Variants in RIMS2 observed in about 807,000 individuals in gnomAD.
RIMS2 encodes regulating synaptic membrane exocytosis 2, also known as regulating synaptic membrane exocytosis protein 2.
RIMS2 carries 59 observed loss-of-function variants against 174.4 expected under a neutral mutation model. That is an observed-to-expected ratio of 0.34 (90% CI 0.27 to 0.42). The LOEUF (loss-of-function observed/expected upper bound fraction) is 0.42. RIMS2 is among the 10% of genes least tolerant of loss of function. RIMS2 has a pLI of 1.00. For synonymous variants in RIMS2, 606 were observed against 572.5 expected (o/e 1.06, Z -0.84); for missense variants, 1,620 against 1,666.3 (o/e 0.97, Z 0.48).
chr8:103,824,911 A>T (rs2098778342), intron 3 of RIMS2, among the ~76,000 whole-genome samples: 1 of 152,198 alleles, frequency 6.6e-6, no homozygotes, highest in South Asian at 2.1e-4. Flanking sequence ...GCATTTAAGT[A>T]AGGATTTATT....
chr8:104,028,038 C>T (rs998881619), intron 19 of RIMS2, among the ~76,000 whole-genome samples: 1 of 151,898 alleles, frequency 6.6e-6, no homozygotes, highest in African/African-American at 2.4e-5. Context: ...TCAACTGATT[C>T]TCACACCTCA....
intron 1 of RIMS2, among the ~76,000 whole-genome samples, chr8:103,594,891 A>T (rs7813485): frequency 6.6e-6 from 1 of 151,640 alleles, no homozygotes; most frequent in African/African-American, 2.4e-5. Flanking sequence ...GAGAAAGTCC[A>T]TGAAACCTGG....
chr8:103,602,973 A>T (rs1172655218), intron 1 of RIMS2, among the ~76,000 whole-genome samples: 9 of 151,876 alleles, frequency 5.9e-5, no homozygotes, highest in African/African-American at 9.7e-5. Flanking sequence ...AGCATCTGTT[A>T]TTTTTTGACT....
At chr8:103,523,652 G>A (rs774129060) in intron 1 of RIMS2, among the ~76,000 whole-genome samples, 26 of 151,992 alleles carry the variant, frequency 1.7e-4, no homozygotes, top group Non-Finnish European at 3.4e-4. Context: ...ATAGAGTGAG[G>A]GCAAATGAGG....
intron 2 of RIMS2, among the ~76,000 whole-genome samples, chr8:103,698,840 T>A (rs1180932433): frequency 6.6e-6 from 1 of 152,170 alleles, no homozygotes; most frequent in East Asian, 1.9e-4. Context: ...TTTTTCTTCC[T>A]TGTAATGTTT....
chr8:104,039,702 C>T (rs1167832164), intron 19 of RIMS2, among the ~76,000 whole-genome samples: 2 of 151,624 alleles, frequency 1.3e-5, no homozygotes, highest in East Asian at 1.9e-4. Flanking sequence ...AAACACAATG[C>T]AACATACGAA....
chr8:103,835,863 A>G (rs1403803758), intron 3 of RIMS2, among the ~76,000 whole-genome samples: 1 of 152,216 alleles, frequency 6.6e-6, no homozygotes, highest in Admixed American at 6.5e-5. Flanking sequence ...TAACTTTTCA[A>G]TATTCTTTCT....
intron 3 of RIMS2, among the ~76,000 whole-genome samples, chr8:103,818,129 T>G (rs899851078): frequency 6.6e-6 from 1 of 152,194 alleles, no homozygotes; most frequent in Non-Finnish European, 1.5e-5. Context: ...TTAATTTGTG[T>G]TGTTCTTTTG....
At chr8:104,217,385 CAG>C (rs1309920955) in intron 19 of RIMS2, among the ~76,000 whole-genome samples, 3 of 152,100 alleles carry the variant, frequency 2.0e-5, no homozygotes, top group African/African-American at 7.2e-5. Context: ...CCTCCCGCCT[CAG>C]CTCCCCAAGT....
chr8:103,625,926 A>ATACACATAATAAATGTATGT, intron 1 of RIMS2, among the ~76,000 whole-genome samples: 1 of 151,752 alleles, frequency 6.6e-6, no homozygotes, highest in South Asian at 2.1e-4. Flanking sequence ...ATATACACAC[A>ATACACATAATAAATGTATGT]CTAGTAAATT....
chr8:103,551,941 G>A (rs535485625), intron 1 of RIMS2, among the ~76,000 whole-genome samples: 244 of 152,228 alleles, frequency 1.6e-3, no homozygotes, highest in Middle Eastern at 6.8e-3. Context: ...ACTGCTCAAC[G>A]AAATAAAAGA....
At chr8:103,751,809 G>C (rs1404111666) in intron 2 of RIMS2, among the ~76,000 whole-genome samples, 2 of 151,004 alleles carry the variant, frequency 1.3e-5, no homozygotes, top group African/African-American at 4.9e-5. Flanking sequence ...TTTTTTTCTT[G>C]TAAATTTGTT....
chr8:103,662,672 GTC>G (rs901204250), intron 1 of RIMS2, among the ~76,000 whole-genome samples: 1 of 149,552 alleles, frequency 6.7e-6, no homozygotes, highest in Non-Finnish European at 1.5e-5. Flanking sequence ...AGTCAGAAGA[GTC>G]TATCTATCTA....
chr8:103,906,663 G>T (rs1027832420), intron 4 of RIMS2, among the ~76,000 whole-genome samples: 1 of 152,134 alleles, frequency 6.6e-6, no homozygotes, highest in Admixed American at 6.5e-5. Flanking sequence ...TTGGTAGGTT[G>T]CAAGCACAGA....
chr8:103,756,180 A>G lies in RIMS2; in HGVS notation c.388-10047A>G, dbSNP rs539753155. 5.3e-5 allele frequency among the ~76,000 whole-genome samples: 8 copies of G among 152,228 alleles called. No homozygotes were observed. In the South Asian group the frequency reaches 1.7e-3, roughly 32 times the overall value. On this transcript the variant is annotated intron_variant, in intron 2 of 23. Coordinates refer to ENST00000504942, the Ensembl canonical transcript of RIMS2. ...TTTGTTAGTTTTCCTACTAGCAGTC[A>G]GGTCACTCATCTGCAGATCTGTTGG...
intron 10 of RIMS2, among the ~76,000 whole-genome samples, chr8:103,927,564 AT>A (rs1326220815): frequency 1.3e-5 from 2 of 151,514 alleles, no homozygotes; most frequent in Non-Finnish European, 3.0e-5. Context: ...CAAATATATT[AT>A]TTTATATCCA....
At chr8:103,867,663 AATAAT>A (rs2099090278) in intron 3 of RIMS2, among the ~76,000 whole-genome samples, 1 of 151,980 alleles carries the variant, frequency 6.6e-6, no homozygotes, top group African/African-American at 2.4e-5. Context: ...GCTGTGAGAT[AATAAT>A]AATTATGATA....
intron 19 of RIMS2, chr8:104,094,605 A>C (rs2097723223): frequency 1.4e-6 from 1 of 702,250 alleles, no homozygotes; most frequent in Non-Finnish European, 2.6e-6. Context: ...CAAAACGTGT[A>C]ATAAGGAGAA....
intron 19 of RIMS2, among the ~76,000 whole-genome samples, chr8:104,235,884 C>CA (rs1199091175): frequency 1.3e-5 from 2 of 151,928 alleles, no homozygotes; most frequent in East Asian, 1.9e-4. Context: ...AGTTGTCCCC[C>CA]AAAAAAATGT....
Sources: gnomAD v4.1 joint callset for allele counts (sites outside exome capture counted in the v4.1 genomes callset) on GRCh38, gnomAD v4.1.1 for gene constraint, MANE v1.5 for transcripts, NCBI Gene and HGNC (gene_info 2026-07-23, HGNC 2026-07-21) for gene names.